SCAI: variants seen among roughly 807,000 people sequenced by gnomAD.
The protein encoded by SCAI is suppressor of cancer cell invasion.
SCAI carries 24 observed loss-of-function variants against 92.2 expected under a neutral mutation model. The observed-to-expected ratio is 0.26, with a 90% confidence interval of 0.19 to 0.37. The LOEUF (loss-of-function observed/expected upper bound fraction) is 0.37. Among genes scored for constraint, SCAI ranks in the 10% least tolerant of loss-of-function variants. The pLI is 1.00. For synonymous variants in SCAI, 261 were observed against 258.6 expected (o/e 1.01, Z -0.09); for missense variants, 450 against 736.2 (o/e 0.61, Z 4.50).
chr9:125,027,567 T>C (rs1025609570), intron 5 of SCAI, among the ~76,000 whole-genome samples: 2 of 152,190 alleles, frequency 1.3e-5, no homozygotes, highest in African/African-American at 2.4e-5. Flanking sequence ...TTGCCCAGGC[T>C]GGAGTGCCAA....
chr9:125,054,341 G>T (rs1833622191), intron 3 of SCAI, among the ~76,000 whole-genome samples: 1 of 152,122 alleles, frequency 6.6e-6, no homozygotes, highest in Non-Finnish European at 1.5e-5. Context: ...TGTGAAATAG[G>T]TTCACTGGAT....
chr9:125,039,521 A>G (rs997009768), intron 3 of SCAI, among the ~76,000 whole-genome samples: 1 of 152,192 alleles, frequency 6.6e-6, no homozygotes, highest in East Asian at 1.9e-4. Flanking sequence ...CTTTTGCTGC[A>G]TAACAAGCCA....
intron 2 of SCAI, among the ~76,000 whole-genome samples, chr9:125,064,927 T>A (rs917643163): frequency 6.6e-6 from 1 of 152,076 alleles, no homozygotes; most frequent in Admixed American, 6.6e-5. Context: ...AAAAACATCA[T>A]AATGAAAAGT....
intron 3 of SCAI, among the ~76,000 whole-genome samples, chr9:125,042,634 T>TGTGTGTGTGTGTGTGTGTGTGTGC (rs761672178): frequency 1.0e-5 from 1 of 96,192 alleles, no homozygotes; most frequent in Admixed American, 1.3e-4. Flanking sequence ...TGTGTGTGTG[T>TGTGTGTGTGTGTGTGTGTGTGTGC]ACACACACAC....
At chr9:124,976,055 A>G in intron 15 of SCAI, 59 bp downstream of exon 15, 2 of 1,055,730 alleles carry the variant, frequency 1.9e-6, no homozygotes, top group Non-Finnish European at 1.5e-6. Context: ...AGTACTATTC[A>G]TAATATAGAT....
intron 17 of SCAI, among the ~76,000 whole-genome samples, chr9:124,957,574 C>A (rs146494040): frequency 2.0e-5 from 3 of 148,714 alleles, no homozygotes; most frequent in African/African-American, 7.4e-5. Context: ...GTTTCACCAC[C>A]TTGGCCAGGC....
chr9:125,073,352 C>T (rs1564402208), intron 2 of SCAI, among the ~76,000 whole-genome samples: 1 of 151,752 alleles, frequency 6.6e-6, no homozygotes, highest in Non-Finnish European at 1.5e-5. Flanking sequence ...GATCCACCCG[C>T]CTCGGCCTCC....
At chr9:125,116,419 G>A (rs1835047708) in intron 2 of SCAI, among the ~76,000 whole-genome samples, 1 of 151,814 alleles carries the variant, frequency 6.6e-6, no homozygotes, top group South Asian at 2.1e-4. Context: ...AATAAACGAG[G>A]GGAAAAGAAT....
At chr9:125,054,855 G>A (rs1833632206) in intron 3 of SCAI, among the ~76,000 whole-genome samples, 1 of 152,148 alleles carries the variant, frequency 6.6e-6, no homozygotes, top group South Asian at 2.1e-4. Flanking sequence ...TAGAGAAACA[G>A]TGACAAACAG....
intron 2 of SCAI, among the ~76,000 whole-genome samples, chr9:125,076,549 A>C (rs1436422658): frequency 6.6e-6 from 1 of 151,396 alleles, no homozygotes; most frequent in Non-Finnish European, 1.5e-5. Flanking sequence ...CTTCCAAAAA[A>C]CAAAAAAAGA....
chr9:124,957,433 G>C (rs1831338590), intron 17 of SCAI, among the ~76,000 whole-genome samples: 1 of 151,738 alleles, frequency 6.6e-6, no homozygotes, highest in Admixed American at 6.6e-5. Context: ...TGCAATCTCG[G>C]CTCATTGCAA....
chr9:125,131,886 A>G (rs1835408680), intron 2 of SCAI, among the ~76,000 whole-genome samples: 2 of 152,172 alleles, frequency 1.3e-5, no homozygotes, highest in South Asian at 4.2e-4. Flanking sequence ...CCTGTTTCTC[A>G]GCAAAGAGTA....
chr9:125,026,373 C>T (rs917994513), intron 6 of SCAI, among the ~76,000 whole-genome samples: 2 of 103,012 alleles, frequency 1.9e-5, no homozygotes, highest in African/African-American at 4.4e-5. Context: ...GAGCAAGACT[C>T]CACCTCCAAA....
intron 2 of SCAI, among the ~76,000 whole-genome samples, chr9:125,075,011 A>T (rs1242256684): frequency 3.3e-5 from 5 of 152,160 alleles, no homozygotes; most frequent in African/African-American, 1.2e-4. Context: ...AAAATAAAAG[A>T]TGAAAAACTA....
intron 2 of SCAI, among the ~76,000 whole-genome samples, chr9:125,074,905 G>A (rs1388853178): frequency 1.3e-5 from 2 of 152,046 alleles, no homozygotes; most frequent in Non-Finnish European, 2.9e-5. Context: ...TCGGGAGGCT[G>A]AGGCAGGAGA....
In SCAI at chr9:125,056,019, C is replaced by T. The variant is rs11792367; in HGVS notation, c.99-12G>A. ...GAGCAAATTCAGTCCTGTAAGAAAA[C>T]ATATGTTCATTCATGCAGGAGGTAA... is the stretch of plus-strand genomic sequence containing the variant. On this transcript the variant is annotated splice_polypyrimidine_tract_variant and intron_variant, in intron 2 of 17. Coordinates refer to ENST00000336505, the MANE Select transcript of SCAI (RefSeq NM_001144877.3). The T allele has an allele frequency of 0.12, 187,946 of 1,582,310 alleles. 12,256 individuals carry two copies. The highest frequency in any genetic ancestry group is 0.13 in the Non-Finnish European group (152,464 of 1,163,862).
At chr9:125,020,508 A>G (rs1382688351) in intron 7 of SCAI, among the ~76,000 whole-genome samples, 165 bp downstream of exon 7, 2 of 152,222 alleles carry the variant, frequency 1.3e-5, no homozygotes, top group Non-Finnish European at 2.9e-5. Context: ...ACATGAAAAG[A>G]GTTGGAAAAT....
chr9:125,085,649 T>A (rs1834310807), intron 2 of SCAI, among the ~76,000 whole-genome samples: 1 of 152,096 alleles, frequency 6.6e-6, no homozygotes, highest in Non-Finnish European at 1.5e-5. Flanking sequence ...GGTGTTGTGG[T>A]GCACACCTAT....
At chr9:125,076,027 T>C (rs187890708) in intron 2 of SCAI, among the ~76,000 whole-genome samples, 6 of 152,294 alleles carry the variant, frequency 3.9e-5, no homozygotes, top group South Asian at 2.1e-4. Context: ...ATCGATCATA[T>C]ACAAAGATGA....
Sources: allele counts gnomAD v4.1 joint callset (sites outside exome capture counted in the v4.1 genomes callset), GRCh38; gene constraint gnomAD v4.1.1; transcripts MANE v1.5; gene names NCBI Gene and HGNC (gene_info 2026-07-23, HGNC 2026-07-21).